CDK5RAP2: variants seen among roughly 807,000 people sequenced by gnomAD.
CDK5RAP2 encodes CDK5 regulatory subunit associated protein 2.
Under a neutral mutation model 232.9 loss-of-function variants are expected in CDK5RAP2, and 147 were observed. The observed-to-expected ratio is 0.63, with a 90% confidence interval of 0.55 to 0.72. The LOEUF (loss-of-function observed/expected upper bound fraction) is 0.72, where lower values mean the gene tolerates loss of function less well. CDK5RAP2 is among the 30% of genes least tolerant of loss of function. The pLI, the probability that CDK5RAP2 is intolerant of heterozygous loss-of-function variation, is 0.00. For synonymous variants in CDK5RAP2, 833 were observed against 833.7 expected (o/e 1.00, Z 0.01); for missense variants, 2,195 against 2,231.5 (o/e 0.98, Z 0.33).
At chr9:120,492,837 AAAAG>A (rs1475296810) in intron 12 of CDK5RAP2, among the ~76,000 whole-genome samples, 3 of 152,208 alleles carry the variant, frequency 2.0e-5, no homozygotes, top group Non-Finnish European at 2.9e-5. Context: ...CTTTAAGTAG[AAAAG>A]AAATACAAAC....
rs2131314269 is a variant in CDK5RAP2, at chr9:120,437,283, C to G, written c.3955+12G>C. On this transcript the variant is annotated intron_variant, in intron 25 of 37. Coordinates refer to ENST00000349780, the MANE Select transcript of CDK5RAP2 (RefSeq NM_018249.6). Reference sequence around the variant, plus strand: ...CTGATGTCTTAAGACTCGCGTACCTCACCCTACCTACCGTTGAGAAATAGC... The same window carrying G: ...CTGATGTCTTAAGACTCGCGTACCTGACCCTACCTACCGTTGAGAAATAGC... 1 of 1,589,404 alleles carries G rather than the reference C, an allele frequency of 6.3e-7. No homozygotes were observed. The highest frequency in any genetic ancestry group is 1.3e-5 in the African/African-American group (1 of 74,590).
intron 1 of CDK5RAP2, 94 bp downstream of exon 1, chr9:120,579,826 C>T: frequency 9.9e-7 from 1 of 1,012,378 alleles, no homozygotes; most frequent in Non-Finnish European, 1.6e-6. Flanking sequence ...TGGCCAGACA[C>T]CCTCAAGAGC....
At chr9:120,538,376 C>T (rs1475664) in intron 6 of CDK5RAP2, among the ~76,000 whole-genome samples, 17,872 of 152,112 alleles carry the variant, frequency 0.12, 1,395 homozygotes, top group East Asian at 0.29. Flanking sequence ...AATAGTATTA[C>T]TTAATACTAG....
chr9:120,462,820 T>TA (rs1365963163), intron 18 of CDK5RAP2, among the ~76,000 whole-genome samples: 1 of 152,196 alleles, frequency 6.6e-6, no homozygotes. Context: ...TTGTAAAACT[T>TA]AGTGAACGCA....
chr9:120,389,755 T>C lies in CDK5RAP2; in HGVS notation c.5611A>G (p.Arg1871Gly). 1 of 1,614,172 alleles carries C rather than the reference T, an allele frequency of 6.2e-7. No homozygotes were observed. The highest frequency in any genetic ancestry group is 8.5e-7 in the Non-Finnish European group (1 of 1,180,002). ...VVTHKILRKA[R>G]GNLELRPGGA... ...AAAGGGCATACCTCCAGGTTTCCTC[T>C]GGCCTTCCGAAGGATTTTGTGGGTT... Residue 1871 changes from arginine (R) to glycine (G), a missense_variant, in exon 37 of 38, where the codon AGA (arginine) becomes GGA (glycine). Physicochemically the swap from Arg to Gly is moderately radical, Grantham distance 125 (BLOSUM62 -2). Transcript: ENST00000349780.
intron 25 of CDK5RAP2, among the ~76,000 whole-genome samples, chr9:120,428,612 T>A (rs1297301600): frequency 2.0e-5 from 3 of 152,144 alleles, no homozygotes; most frequent in African/African-American, 7.2e-5. Flanking sequence ...GTGGCAATAA[T>A]CAATAGCTTA....
chr9:120,528,599 G>A (rs1433449409), intron 9 of CDK5RAP2, 145 bp downstream of exon 9: 2 of 685,554 alleles, frequency 2.9e-6, no homozygotes, highest in Admixed American at 4.2e-5. Context: ...ACCCTTTCTA[G>A]AGTACCTTAT....
chr9:120,395,695 C>T (rs768825814), intron 35 of CDK5RAP2, among the ~76,000 whole-genome samples: 2 of 152,238 alleles, frequency 1.3e-5, no homozygotes, highest in Non-Finnish European at 2.9e-5. Context: ...TTTATGGTAG[C>T]TGTACTTGTA....
chr9:120,497,420 TTAAAAAAAAAAAAA>T lies in CDK5RAP2; in HGVS notation c.1312-5957_1312-5944del, dbSNP rs1564300330. On this transcript the variant is annotated intron_variant, in intron 12 of 37. Coordinates refer to ENST00000349780, the MANE Select transcript of CDK5RAP2 (RefSeq NM_018249.6). ...AAGAATTATCAATAAAAAAATAAAT[TTAAAAAAAAAAAAA>T]AAAAAAAAAAAAAAAAAAAAGAATC... 1.8e-3 allele frequency among the ~76,000 whole-genome samples: 40 copies of T among 22,210 alleles called. 3 individuals are homozygous for T. Among genetic ancestry groups the T allele is most frequent in the African/African-American group, 3.5e-3 (38 of 10,986 alleles). 14.6% of individuals were successfully genotyped at this position (22,210 alleles called of 152,430 possible).
At chr9:120,470,341 G>C (rs2037626604) in intron 16 of CDK5RAP2, 121 bp from the exon 17 acceptor site, 3 of 613,352 alleles carry the variant, frequency 4.9e-6, no homozygotes, top group Non-Finnish European at 8.8e-6. Context: ...GGGGAGGTGG[G>C]GCGGAAGGGA....
intron 14 of CDK5RAP2, among the ~76,000 whole-genome samples, chr9:120,478,928 G>GTA (rs906059132): frequency 5.3e-5 from 8 of 152,194 alleles, no homozygotes; most frequent in South Asian, 4.2e-4. Context: ...ATTTCACAAT[G>GTA]TATATATATA....
chr9:120,559,533 T>C (rs187706133), intron 3 of CDK5RAP2, among the ~76,000 whole-genome samples: 165 of 146,938 alleles, frequency 1.1e-3, no homozygotes, highest in Non-Finnish European at 1.9e-3. Flanking sequence ...TAAAACATTG[T>C]TTTTCTCATG....
intron 12 of CDK5RAP2, among the ~76,000 whole-genome samples, chr9:120,491,715 G>A (rs75030169): frequency 6.6e-6 from 1 of 152,110 alleles, no homozygotes; most frequent in Non-Finnish European, 1.5e-5. Flanking sequence ...TTAAAATGCT[G>A]GAAAACCAGA....
rs764196113 is a variant in CDK5RAP2 at position 120,422,733 on chromosome 9, C to A, written c.3964G>T (p.Val1322Phe). The change falls in exon 26 of 38, where the codon GTT (valine) becomes TTT (phenylalanine). Residue 1322 changes from valine to phenylalanine, a missense_variant. Physicochemically the swap from Val to Phe is conservative, Grantham distance 50. Transcript: ENST00000349780. ...TTCTGGGTGTTCATTTCCACTCCAA[C>A]TGATTTTCCTGGAAGCAGAAATAAC... The part of the protein sequence containing the change: ...LEKLFLNGKS[V>F]GVEMNTQNEL... The A allele has an allele frequency of 6.2e-7, 1 of 1,612,386 alleles. No individual in the cohort carries two copies. The highest frequency in any genetic ancestry group is 1.1e-5 in the South Asian group (1 of 91,048).
intron 20 of CDK5RAP2, among the ~76,000 whole-genome samples, chr9:120,457,603 C>T (rs985783081): frequency 7.9e-5 from 12 of 152,158 alleles, no homozygotes; most frequent in Admixed American, 2.6e-4. Context: ...GCTTCAATCC[C>T]GTTTTTTAGC....
At position 120,547,030 on chromosome 9, in the gene CDK5RAP2, A is replaced by G. The variant is rs140785199; in HGVS notation, c.307-1240T>C. On this transcript the variant is annotated intron_variant, in intron 4 of 37. Transcript: ENST00000349780. ...AGATGAAATCTTGCTCTTGTCACCCAGTCTGGAGTGCAGTGGTGCGATCTC... is the reference window on the plus strand; with the variant it reads ...AGATGAAATCTTGCTCTTGTCACCCGGTCTGGAGTGCAGTGGTGCGATCTC... Among the ~76,000 whole-genome samples the G allele has an allele frequency of 2.5e-3, 384 of 151,576 alleles. 3 individuals carry two copies. The highest frequency in any genetic ancestry group is 8.7e-3 in the African/African-American group (359 of 41,306).
intron 7 of CDK5RAP2, among the ~76,000 whole-genome samples, chr9:120,532,139 C>A (rs1038080281): frequency 6.6e-6 from 1 of 151,980 alleles, no homozygotes; most frequent in African/African-American, 2.4e-5. Context: ...CTCAATCCAG[C>A]AAGATGATAC....
rs185112686 is a variant in CDK5RAP2, at chr9:120,408,602, A to G, written c.4605-134T>C. 77 of 953,426 alleles carry G rather than the reference A, an allele frequency of 8.1e-5. No individual in the cohort carries two copies. In the African/African-American group the frequency reaches 1.2e-3, roughly 14 times the overall value. 59.1% of individuals were successfully genotyped at this position (953,426 alleles called of 1,614,324 possible). A position where few individuals can be genotyped will look rare whatever the true frequency, so the allele number is the denominator to read the frequency against. Reference sequence around the variant, plus strand: ...CCAAGAAGTGACAAGCATGGTTAAGAATTCCATGTGCTCTCTAATCCTAAT... The same window carrying G: ...CCAAGAAGTGACAAGCATGGTTAAGGATTCCATGTGCTCTCTAATCCTAAT... On this transcript the variant is annotated intron_variant, in intron 30 of 37. Transcript: ENST00000349780.
At chr9:120,460,467 T>C (rs1339360906) in intron 19 of CDK5RAP2, 105 bp downstream of exon 19, 6 of 1,009,238 alleles carry the variant, frequency 5.9e-6, no homozygotes, top group Admixed American at 1.9e-5. Flanking sequence ...GTACAGGATA[T>C]AGGCAGAATG....
Sources: gnomAD v4.1 joint callset for allele counts (sites outside exome capture counted in the v4.1 genomes callset) on GRCh38, gnomAD v4.1.1 for gene constraint, MANE v1.5 for transcripts, NCBI Gene and HGNC (gene_info 2026-07-23, HGNC 2026-07-21) for gene names.